Variants in C7orf57 observed in about 807,000 individuals in gnomAD.
C7orf57 encodes the protein chromosome 7 open reading frame 57.
A neutral mutation model predicts 39.0 loss-of-function variants in C7orf57; 33 were observed. That is an observed-to-expected ratio of 0.85 (90% CI 0.64 to 1.13). C7orf57 has a LOEUF of 1.13. Ranked by LOEUF, C7orf57 falls within the 50% of genes most tolerant of loss-of-function variation. C7orf57 has a pLI of 0.00. For missense variants in C7orf57, 346 were observed against 362.3 expected (o/e 0.95, Z 0.37); for synonymous variants, 124 against 137.1 (o/e 0.90, Z 0.67).
rs970629927 is a variant in C7orf57, at chr7:48,055,682, T to A, written c.841+1076T>A. On this transcript the variant is annotated intron_variant, in intron 8 of 8. Coordinates refer to ENST00000348904, the MANE Select transcript of C7orf57 (RefSeq NM_001100159.3). ...CTATTCTACTTCTATGAGTTCAATT[T>A]TTTTAGATTCCATATATGGCTGCAA... 6.0e-4 allele frequency among the ~76,000 whole-genome samples: 91 copies of A among 152,306 alleles called. 1 individual carries two copies. Among genetic ancestry groups the A allele is most frequent in the African/African-American group, 2.1e-3 (89 of 41,562 alleles).
Position 48,049,943 on chromosome 7 carries a change from A to G in C7orf57, c.571A>G (p.Asn191Asp). The G allele has an allele frequency of 6.2e-7, 1 of 1,613,406 alleles. No individual in the cohort carries two copies. Among genetic ancestry groups the G allele is most frequent in the Non-Finnish European group, 8.5e-7 (1 of 1,179,432 alleles). Reference protein sequence around the residue: ...SKAGTPLGPKNPAGSRLSFPP... With the variant: ...SKAGTPLGPKDPAGSRLSFPP... ...AGCAGGCACCCCACTTGGCCCTAAG[A>G]ATCCTGCAGGAAGTAGACTCTCCTT... The change falls in exon 6 of 9, where the codon AAT becomes GAT. Residue 191 changes from asparagine to aspartate, a missense_variant. Transcript: ENST00000348904.
chr7:48,050,058 T>A, intron 6 of C7orf57, 81 bp downstream of exon 6: 1 of 914,230 alleles, frequency 1.1e-6, no homozygotes. Context: ...ATGACTGCGC[T>A]AGTGACAGCA....
intron 5 of C7orf57, among the ~76,000 whole-genome samples, chr7:48,049,591 G>T (rs942486068): frequency 6.6e-6 from 1 of 152,192 alleles, no homozygotes; most frequent in Non-Finnish European, 1.5e-5. Context: ...TCATCTGGGT[G>T]TGGGAAGTTC....
At chr7:48,037,261 T>G (rs1790403083) in intron 2 of C7orf57, among the ~76,000 whole-genome samples, 1 of 152,208 alleles carries the variant, frequency 6.6e-6, no homozygotes, top group East Asian at 1.9e-4. Flanking sequence ...TCTAGTGACC[T>G]TGTCTGTATG....
At chr7:48,044,495 A>T (rs1299923180) in intron 4 of C7orf57, among the ~76,000 whole-genome samples, 1 of 151,976 alleles carries the variant, frequency 6.6e-6, no homozygotes, top group African/African-American at 2.4e-5. Context: ...ATTTTAGTGA[A>T]CGCTCTTTAC....
rs781493956 is a variant in C7orf57, at chr7:48,041,379, A to G, written c.101A>G (p.Asp34Gly). Reference protein sequence around the residue: ...VPVKRSEKAVDAPPASQIPGL... With the variant: ...VPVKRSEKAVGAPPASQIPGL... ...GTGAAGCGCTCTGAGAAGGCCGTGG[A>G]TGCCCCACCAGCGTCCCAGATCCCA... Residue 34 changes from aspartate (D) to glycine (G), a missense_variant, in exon 3 of 9, where the codon GAT (aspartate) becomes GGT (glycine). Transcript: ENST00000348904. The G allele has an allele frequency of 2.5e-6, 4 of 1,613,840 alleles. No individual in the cohort carries two copies. The highest frequency in any genetic ancestry group is 1.3e-5 in the African/African-American group (1 of 74,928).
At chr7:48,037,481 G>A (rs1401460764) in intron 2 of C7orf57, among the ~76,000 whole-genome samples, 1 of 152,182 alleles carries the variant, frequency 6.6e-6, no homozygotes, top group African/African-American at 2.4e-5. Flanking sequence ...AGGAGCCTGT[G>A]CCCCTGCGGG....
At chr7:48,051,505 T>G (rs1413850974) in intron 6 of C7orf57, among the ~76,000 whole-genome samples, 1 of 151,106 alleles carries the variant, frequency 6.6e-6, no homozygotes, top group Non-Finnish European at 1.5e-5. Context: ...GTGGGCTAAT[T>G]TTTTGTATTT....
chr7:48,045,344 C>A (rs1790682667), intron 4 of C7orf57, among the ~76,000 whole-genome samples: 1 of 152,160 alleles, frequency 6.6e-6, no homozygotes, highest in South Asian at 2.1e-4. Context: ...CTGCCGAGAC[C>A]ACATCAGAAG....
chr7:48,051,861 T>TTCTTTCTTTC (rs1364293622), intron 6 of C7orf57, among the ~76,000 whole-genome samples: 1 of 80,000 alleles, frequency 1.3e-5, no homozygotes, highest in African/African-American at 6.5e-5. Context: ...CTTTCTTTCT[T>TTCTTTCTTTC]TCTTTCTTTC....
intron 7 of C7orf57, among the ~76,000 whole-genome samples, chr7:48,053,783 T>C (rs1791031954): frequency 6.6e-6 from 1 of 152,176 alleles, no homozygotes; most frequent in Non-Finnish European, 1.5e-5. Flanking sequence ...ACAGAAAGAA[T>C]TCATCTTATT....
At chr7:48,039,280 A>G (rs928232125) in intron 2 of C7orf57, among the ~76,000 whole-genome samples, 19 of 152,164 alleles carry the variant, frequency 1.2e-4, no homozygotes, top group Non-Finnish European at 1.2e-4. Flanking sequence ...GCTATACTAG[A>G]GTCAGGTTGC....
chr7:48,050,164 C>T (rs958875564), intron 6 of C7orf57, among the ~76,000 whole-genome samples, 187 bp downstream of exon 6: 1 of 152,188 alleles, frequency 6.6e-6, no homozygotes, highest in African/African-American at 2.4e-5. Flanking sequence ...GTCATTTTGC[C>T]CCTGTTGAAC....
intron 4 of C7orf57, among the ~76,000 whole-genome samples, chr7:48,045,691 A>AT (rs1385948924): frequency 8.5e-5 from 13 of 152,080 alleles, no homozygotes; most frequent in African/African-American, 3.1e-4. Flanking sequence ...CAGACACTGC[A>AT]TGGGGGGTTT....
At chr7:48,048,566 T>C (rs1354770584) in intron 5 of C7orf57, among the ~76,000 whole-genome samples, 6 of 152,302 alleles carry the variant, frequency 3.9e-5, no homozygotes, top group East Asian at 1.9e-4. Context: ...CGTTTTCCCA[T>C]AGCATGTATT....
intron 8 of C7orf57, 93 bp downstream of exon 8, chr7:48,054,699 C>G: frequency 9.2e-7 from 1 of 1,088,856 alleles, no homozygotes; most frequent in Non-Finnish European, 1.4e-6. Context: ...ACTACAGCCT[C>G]TAGGCAGCCT....
At chr7:48,055,982 C>A (rs1024304023) in intron 8 of C7orf57, among the ~76,000 whole-genome samples, 2 of 152,198 alleles carry the variant, frequency 1.3e-5, no homozygotes, top group Non-Finnish European at 1.5e-5. Flanking sequence ...GATATATGCC[C>A]AGCAGTGGGA....
chr7:48,039,364 C>A (rs1329258974), intron 2 of C7orf57, among the ~76,000 whole-genome samples: 3 of 152,104 alleles, frequency 2.0e-5, no homozygotes, highest in Non-Finnish European at 2.9e-5. Context: ...TAATGCTGGT[C>A]TGCTGTGCCT....
intron 2 of C7orf57, 120 bp downstream of exon 2, chr7:48,036,483 G>A (rs1412579431): frequency 2.2e-6 from 2 of 894,440 alleles, no homozygotes; most frequent in Admixed American, 6.3e-5. Context: ...AACGATGGAG[G>A]ACCAAGTGAT....
Sources: allele counts gnomAD v4.1 joint callset (sites outside exome capture counted in the v4.1 genomes callset), GRCh38; gene constraint gnomAD v4.1.1; transcripts MANE v1.5; gene names NCBI Gene and HGNC (gene_info 2026-07-23, HGNC 2026-07-21).